Variants in ARHGAP11A observed in about 807,000 individuals in gnomAD.
ARHGAP11A encodes rho GTPase-activating protein 11A.
A neutral mutation model predicts 60.5 loss-of-function variants in ARHGAP11A; 36 were observed. That is an observed-to-expected ratio of 0.59 (90% CI 0.46 to 0.79). The LOEUF (loss-of-function observed/expected upper bound fraction) is 0.79, where lower values mean the gene tolerates loss of function less well. Among genes scored for constraint, ARHGAP11A ranks in the 30% least tolerant of loss-of-function variants. The pLI is 0.00. For synonymous variants in ARHGAP11A, 362 were observed against 415.5 expected, an observed-to-expected ratio of 0.87 and a Z score of 1.57; for missense variants, 1,071 against 1,199.2, an observed-to-expected ratio of 0.89 and a Z score of 1.58.
At position 32,629,583 on chromosome 15, in the gene ARHGAP11A, A is replaced by G; in HGVS notation, c.938-12A>G. On this transcript the variant is annotated splice_polypyrimidine_tract_variant and intron_variant, in intron 7 of 11. Transcript: ENST00000361627. ...GTAGAAACAAGTTGGTTTTGTTTTG[A>G]TATTTTTTCAGCCCAGCTATCTGAA... 6.3e-7 allele frequency: 1 copy of G among 1,588,456 alleles called. No homozygotes were observed. Among genetic ancestry groups the G allele is most frequent in the South Asian group, 1.2e-5 (1 of 85,898 alleles).
At chr15:32,620,830 C>A (rs903100144) in intron 2 of ARHGAP11A, among the ~76,000 whole-genome samples, 1 of 151,874 alleles carries the variant, frequency 6.6e-6, no homozygotes, top group African/African-American at 2.4e-5. Context: ...ATTTTGAGGG[C>A]CGAGGCAGGA....
At chr15:32,632,613 C>G (rs888564231) in intron 8 of ARHGAP11A, among the ~76,000 whole-genome samples, 2 of 152,144 alleles carry the variant, frequency 1.3e-5, no homozygotes, top group Non-Finnish European at 2.9e-5. Context: ...AGTCCGTTTT[C>G]AGAGCCTAAA....
In ARHGAP11A at chr15:32,637,915, C is replaced by A; in HGVS notation, c.*70C>A. On this transcript the variant is annotated 3_prime_UTR_variant, in exon 12 of 12. Coordinates refer to ENST00000361627, the MANE Select transcript of ARHGAP11A (RefSeq NM_014783.6). ...TTGGTATGACTTGCAGGATGATGTA[C>A]ATGTTAGTTTGTAGCTCAGGATGAT... The A allele has an allele frequency of 7.7e-7, 1 of 1,305,458 alleles. No homozygotes were observed. 80.9% of individuals were successfully genotyped at this position (1,305,458 alleles called of 1,614,324 possible). A position where few individuals can be genotyped will look rare whatever the true frequency, so the allele number is the denominator to read the frequency against.
chr15:32,620,295 G>C, intron 2 of ARHGAP11A, 117 bp downstream of exon 2: 2 of 1,563,804 alleles, frequency 1.3e-6, no homozygotes, highest in South Asian at 2.4e-5. Flanking sequence ...GACCAGCCTG[G>C]GCAACATGGT....
chr15:32,622,018 T>C (rs2053336850), intron 2 of ARHGAP11A, among the ~76,000 whole-genome samples: 1 of 152,312 alleles, frequency 6.6e-6, no homozygotes, highest in Admixed American at 6.5e-5. Flanking sequence ...TTTCCCCCCA[T>C]TCATCCTATA....
Position 32,633,930 on chromosome 15 carries a change from T to C in ARHGAP11A, c.1236-3T>C. On this transcript the variant is annotated splice_region_variant and splice_polypyrimidine_tract_variant and intron_variant, in intron 9 of 11. Transcript: ENST00000361627. ...CTGACATTTTTAATTCCACTTCTTC[T>C]AGAGTGGAATCAGGAAAAGCAGGCT... is the stretch of plus-strand genomic sequence containing the variant. 2 of 1,569,374 alleles carry C rather than the reference T, an allele frequency of 1.3e-6. No individual in the cohort carries two copies. The highest frequency in any genetic ancestry group is 1.7e-6 in the Non-Finnish European group (2 of 1,154,478).
intron 1 of ARHGAP11A, among the ~76,000 whole-genome samples, 167 bp downstream of exon 1, chr15:32,616,507 G>T (rs1031371567): frequency 2.0e-5 from 3 of 152,004 alleles, no homozygotes; most frequent in South Asian, 2.1e-4. Context: ...TGACATTCTT[G>T]TTTTTTTTCC....
intron 1 of ARHGAP11A, among the ~76,000 whole-genome samples, chr15:32,618,175 C>T (rs1010658354): frequency 1.3e-5 from 2 of 152,156 alleles, no homozygotes; most frequent in African/African-American, 2.4e-5. Flanking sequence ...CTTTAGCCGA[C>T]TGGTGTTTGT....
At chr15:32,617,576 A>G (rs1233005448) in intron 1 of ARHGAP11A, among the ~76,000 whole-genome samples, 1 of 142,906 alleles carries the variant, frequency 7.0e-6, no homozygotes, top group Non-Finnish European at 1.5e-5. Context: ...GGTTCACGCC[A>G]TTCTCCTGCC....
chr15:32,615,230 T>C (rs887067638), upstream of ARHGAP11A: 4 of 152,142 alleles, frequency 2.6e-5, no homozygotes, highest in African/African-American at 9.7e-5. Context: ...TTTCCTCAAA[T>C]ACTGTGAATG....
rs565405976 is a variant in ARHGAP11A at position 32,616,272 on chromosome 15, A to G, written c.61A>G (p.Ile21Val). Residue 21 changes from isoleucine to valine, a missense_variant, in exon 1 of 12, where the codon ATT becomes GTT. By Grantham distance (29) the Ile-to-Val change is conservative. Around this residue, in one of 4 missense-constraint regions of ARHGAP11A, gnomAD observed 28 missense variants for 24.5 expected, o/e 1.14. Transcript: ENST00000361627. Reference sequence around the variant, plus strand: ...GCAGCATCTGCGGGCCTTCTATGGTATTAAGGTGAAGGGTGTCCGTGGGCA... The same window carrying G: ...GCAGCATCTGCGGGCCTTCTATGGTGTTAAGGTGAAGGGTGTCCGTGGGCA... ...LLQHLRAFYG[I>V]KVKGVRGQCD... is the part of the protein sequence containing the mutation. 1 of 1,614,064 alleles carries G rather than the reference A, an allele frequency of 6.2e-7. No individual in the cohort carries two copies. The highest frequency in any genetic ancestry group is 1.7e-5 in the Admixed American group (1 of 60,020).
chr15:32,637,547 C>A lies in ARHGAP11A; in HGVS notation c.2774C>A (p.Ser925Ter). The change falls in exon 12 of 12, where the codon TCG becomes TAG. Residue 925 changes from serine to a stop codon, truncating the protein, a stop_gained. Transcript: ENST00000361627. LOFTEE classifies it high-confidence loss of function. Reference sequence around the variant, plus strand: ...TCAAAGTCAAGCATGGAGTTACCCTCGAAATCTTTCTTAAAGATGAGGAAG... The same window carrying A: ...TCAAAGTCAAGCATGGAGTTACCCTAGAAATCTTTCTTAAAGATGAGGAAG... Reference protein sequence around the residue: ...AISKSSMELPSKSFLKMRKHP... With the variant: ...AISKSSMELP The A allele has an allele frequency of 6.2e-7, 1 of 1,614,042 alleles. No homozygotes were observed. The highest frequency in any genetic ancestry group is 8.5e-7 in the Non-Finnish European group (1 of 1,180,024).
intron 2 of ARHGAP11A, among the ~76,000 whole-genome samples, chr15:32,622,190 G>T: frequency 6.6e-6 from 1 of 152,310 alleles, no homozygotes; most frequent in East Asian, 1.9e-4. Flanking sequence ...AGGCCCAGGT[G>T]GTGGATTGCT....
intron 2 of ARHGAP11A, among the ~76,000 whole-genome samples, chr15:32,622,407 T>C (rs889077432): frequency 1.3e-5 from 2 of 152,048 alleles, no homozygotes; most frequent in Non-Finnish European, 2.9e-5. Flanking sequence ...AGCGAGACCC[T>C]GTCTCAAAAT....
At chr15:32,624,518 G>C in intron 4 of ARHGAP11A, 92 bp downstream of exon 4, 4 of 1,468,908 alleles carry the variant, frequency 2.7e-6, no homozygotes, top group Non-Finnish European at 3.7e-6. Flanking sequence ...ATTTGGAATG[G>C]AAATTTTTCT....
intron 7 of ARHGAP11A, among the ~76,000 whole-genome samples, 174 bp downstream of exon 7, chr15:32,628,976 A>G (rs559537926): frequency 2.0e-5 from 3 of 152,264 alleles, no homozygotes; most frequent in African/African-American, 4.8e-5. Flanking sequence ...TGCTAATTAC[A>G]TAGGCTATAA....
rs1160802468 is a variant in ARHGAP11A at position 32,636,389 on chromosome 15, C to A, written c.1616C>A (p.Ser539Ter). ...FQEVDANEASSMVENLEVENS... is the reference protein window; with the variant it reads ...FQEVDANEAS ...GAAGTAGATGCAAATGAAGCTTCTT[C>A]AATGGTGGAAAATCTTGAGGTAGAA... Residue 539 changes from serine (S) to a stop codon, truncating the protein, a stop_gained, in exon 12 of 12, where the codon TCA (serine) becomes TAA (stop). Coordinates refer to ENST00000361627, the MANE Select transcript of ARHGAP11A (RefSeq NM_014783.6). LOFTEE classifies it low-confidence loss of function (END_TRUNC). The A allele has an allele frequency of 6.2e-7, 1 of 1,613,948 alleles. No homozygotes were observed. The highest frequency in any genetic ancestry group is 8.5e-7 in the Non-Finnish European group (1 of 1,179,976).
At chr15:32,633,314 A>G (rs2053628103) in intron 9 of ARHGAP11A, among the ~76,000 whole-genome samples, 1 of 152,176 alleles carries the variant, frequency 6.6e-6, no homozygotes, top group South Asian at 2.1e-4. Context: ...CTTGCTTAAA[A>G]TCCTATTTTA....
chr15:32,619,009 T>TACTTAAG (rs1393763137), intron 1 of ARHGAP11A, among the ~76,000 whole-genome samples: 1 of 152,168 alleles, frequency 6.6e-6, no homozygotes, highest in Non-Finnish European at 1.5e-5. Flanking sequence ...GCACTTACTA[T>TACTTAAG]ACTATACTGT....
Sources: gnomAD v4.1 joint callset for allele counts (sites outside exome capture counted in the v4.1 genomes callset) on GRCh38, gnomAD v4.1.1 for gene constraint, gnomAD v4.1.1 regional missense constraint, MANE v1.5 for transcripts, NCBI Gene and HGNC (gene_info 2026-07-23, HGNC 2026-07-21) for gene names.